Variants in ERC2 observed in about 807,000 individuals in gnomAD.
The protein encoded by ERC2 is ERC protein 2.
In ERC2, 42 loss-of-function variants were observed where a neutral mutation model predicts 114.8. The observed-to-expected ratio is 0.37, with a 90% CI of 0.29 to 0.47. The LOEUF (loss-of-function observed/expected upper bound fraction) is 0.47. Among genes scored for constraint, ERC2 ranks in the 20% least tolerant of loss-of-function variants. ERC2 has a pLI of 0.99. For synonymous variants in ERC2, 454 were observed against 425.5 expected (o/e 1.07, Z -0.82); for missense variants, 939 against 1,150.7 (o/e 0.82, Z 2.66).
At chr3:55,827,409 A>G (rs1186676305) in intron 14 of ERC2, among the ~76,000 whole-genome samples, 2 of 151,936 alleles carry the variant, frequency 1.3e-5, no homozygotes, top group African/African-American at 4.8e-5. Context: ...AGAAAAAGAG[A>G]GAAAGAGGGA....
intron 3 of ERC2, among the ~76,000 whole-genome samples, chr3:56,196,666 A>G (rs2048126128): frequency 1.3e-5 from 2 of 152,276 alleles, no homozygotes; most frequent in Admixed American, 1.3e-4. Context: ...CCTGTTAGCC[A>G]TTTCCCTTGA....
At chr3:56,228,374 T>A (rs2050388626) in intron 3 of ERC2, among the ~76,000 whole-genome samples, 1 of 152,170 alleles carries the variant, frequency 6.6e-6, no homozygotes, top group Non-Finnish European at 1.5e-5. Flanking sequence ...GTCCTACCCT[T>A]GTACCAGCTA....
At chr3:56,053,311 C>T (rs772238122) in intron 7 of ERC2, among the ~76,000 whole-genome samples, 4 of 152,072 alleles carry the variant, frequency 2.6e-5, no homozygotes, top group South Asian at 2.1e-4. Context: ...AGCAGTATAA[C>T]GGGGATGGAA....
chr3:55,799,796 G>A (rs988435399), intron 14 of ERC2, among the ~76,000 whole-genome samples: 11 of 152,216 alleles, frequency 7.2e-5, no homozygotes, highest in African/African-American at 2.2e-4. Flanking sequence ...ACATTATCAT[G>A]ATGTGATGAA....
chr3:56,249,189 C>T (rs2051935424), intron 3 of ERC2, among the ~76,000 whole-genome samples: 1 of 152,198 alleles, frequency 6.6e-6, no homozygotes, highest in South Asian at 2.1e-4. Flanking sequence ...CCCACCTCAA[C>T]CTTACAAGGA....
chr3:55,946,165 A>T (rs1264240249), intron 13 of ERC2, among the ~76,000 whole-genome samples: 1 of 152,196 alleles, frequency 6.6e-6, no homozygotes, highest in Non-Finnish European at 1.5e-5. Flanking sequence ...CCTTGTTGAA[A>T]AACCTCCATG....
At chr3:56,176,612 C>T (rs2082993848) in intron 3 of ERC2, among the ~76,000 whole-genome samples, 1 of 152,160 alleles carries the variant, frequency 6.6e-6, no homozygotes, top group South Asian at 2.1e-4. Context: ...CAATATTTTT[C>T]AATCCTGACT....
intron 3 of ERC2, among the ~76,000 whole-genome samples, chr3:56,210,396 C>T (rs1018827760): frequency 3.9e-5 from 6 of 152,198 alleles, no homozygotes; most frequent in Non-Finnish European, 8.8e-5. Context: ...ACTATTTTTA[C>T]ATAATTTAAT....
At chr3:56,415,296 T>A (rs1447670985) in intron 2 of ERC2, among the ~76,000 whole-genome samples, 1 of 152,264 alleles carries the variant, frequency 6.6e-6, no homozygotes, top group African/African-American at 2.4e-5. Flanking sequence ...GTACACACCC[T>A]AATATTTATT....
intron 2 of ERC2, among the ~76,000 whole-genome samples, chr3:56,321,298 G>C (rs1189945895): frequency 5.9e-5 from 9 of 152,058 alleles, no homozygotes; most frequent in Non-Finnish European, 1.5e-5. Context: ...TGAAAGAATA[G>C]AGAATAGAAT....
chr3:55,589,162 T>C (rs1049381062), intron 17 of ERC2, among the ~76,000 whole-genome samples: 7 of 142,724 alleles, frequency 4.9e-5, no homozygotes, highest in Admixed American at 3.8e-4. Context: ...GAGGATTGCT[T>C]GAGCCAGGAG....
intron 17 of ERC2, among the ~76,000 whole-genome samples, chr3:55,635,509 G>A (rs2059924177): frequency 6.6e-6 from 1 of 151,740 alleles, no homozygotes; most frequent in Non-Finnish European, 1.5e-5. Flanking sequence ...TTGTACCTCA[G>A]CCTCCCAAGT....
intron 7 of ERC2, among the ~76,000 whole-genome samples, chr3:56,077,578 C>A (rs1198502289): frequency 6.6e-6 from 1 of 152,266 alleles, no homozygotes; most frequent in East Asian, 1.9e-4. Flanking sequence ...TTGGAAGTGC[C>A]ATCCCAAAAT....
At chr3:56,256,145 G>C (rs1445668990) in intron 3 of ERC2, among the ~76,000 whole-genome samples, 1 of 152,222 alleles carries the variant, frequency 6.6e-6, no homozygotes, top group Non-Finnish European at 1.5e-5. Context: ...AAGCTTTAAA[G>C]TGAGCCATTA....
At chr3:56,415,004 C>G (rs959173632) in intron 2 of ERC2, among the ~76,000 whole-genome samples, 27 of 152,216 alleles carry the variant, frequency 1.8e-4, no homozygotes, top group African/African-American at 6.5e-4. Flanking sequence ...GCTCACTGGG[C>G]TCAGGGCTAC....
chr3:55,622,130 T>C (rs1049067179), intron 17 of ERC2, among the ~76,000 whole-genome samples: 1 of 152,196 alleles, frequency 6.6e-6, no homozygotes, highest in African/African-American at 2.4e-5. Context: ...TTGACAGACA[T>C]AACTGTTTGA....
At position 55,692,286 on chromosome 3, in the gene ERC2, C is replaced by T. The variant is rs116704213; in HGVS notation, c.2847+7092G>A. ...CAAGCTGGTGCCCCAGGAGGGGCTGCTGTGACTGCTTCATTCTTCTGTTGG... is the reference window on the plus strand; with the variant it reads ...CAAGCTGGTGCCCCAGGAGGGGCTGTTGTGACTGCTTCATTCTTCTGTTGG... On this transcript the variant is annotated intron_variant, in intron 16 of 17. Coordinates refer to ENST00000288221, the MANE Select transcript of ERC2 (RefSeq NM_015576.3). Among the ~76,000 whole-genome samples, 349 of 152,292 alleles carry T rather than the reference C, an allele frequency of 2.3e-3. 2 individuals carry two copies. The highest frequency in any genetic ancestry group is 8.0e-3 in the African/African-American group (332 of 41,554).
chr3:55,866,928 T>C (rs1057066285), intron 14 of ERC2, among the ~76,000 whole-genome samples: 45 of 152,148 alleles, frequency 3.0e-4, no homozygotes, highest in Non-Finnish European at 4.9e-4. Flanking sequence ...ATATCTTTTA[T>C]GATATAAAAG....
Position 55,582,997 on chromosome 3 carries a change from G to C in ERC2, c.*40-71721C>G, listed in dbSNP as rs148291617. Among the ~76,000 whole-genome samples, 724 of 152,230 alleles carry C rather than the reference G, an allele frequency of 4.8e-3. 4 individuals are homozygous for C. Among genetic ancestry groups the C allele is most frequent in the African/African-American group, 0.016 (666 of 41,530 alleles). ...CTCAGTTTTCTCATCTGACAAAGTG[G>C]GACTAATAAAGGTTTATTGCAAAAA... On this transcript the variant is annotated intron_variant, in intron 17 of 17. Coordinates refer to ENST00000288221, the MANE Select transcript of ERC2 (RefSeq NM_015576.3).
Sources: gnomAD v4.1 joint callset for allele counts (sites outside exome capture counted in the v4.1 genomes callset) on GRCh38, gnomAD v4.1.1 for gene constraint, MANE v1.5 for transcripts, NCBI Gene and HGNC (gene_info 2026-07-23, HGNC 2026-07-21) for gene names.